The following NEB variants were observed in gnomAD, a reference collection of about 807,000 sequenced individuals.
The protein encoded by NEB is nemaline myopathy type 2.
In NEB, 512 loss-of-function variants were observed where a neutral mutation model predicts 952.2. The ratio of observed to expected loss-of-function variants is 0.54; its 90% CI spans 0.50 to 0.58. The LOEUF is 0.58. Ranked by LOEUF, NEB falls within the 20% of genes least tolerant of loss-of-function variation. The probability of loss-of-function intolerance (pLI) is 0.00; values close to 1 mark genes in which losing one functional copy is unlikely to be tolerated. For missense variants in NEB, 8,428 were observed against 9,231.1 expected, an observed-to-expected ratio of 0.91 and a Z score of 3.56; for synonymous variants, 2,900 against 3,149.8, an observed-to-expected ratio of 0.92 and a Z score of 2.66.
intron 40 of NEB, among the ~76,000 whole-genome samples, chr2:151,667,348 C>T (rs1488865874): frequency 4.6e-5 from 7 of 151,848 alleles, no homozygotes; most frequent in Admixed American, 1.3e-4. Context: ...GTTTTAAGTA[C>T]GTCACAGTTT....
Position 151,690,804 on chromosome 2 carries a change from C to G in NEB, c.2233G>C (p.Asp745His). Residue 745 changes from aspartate to histidine, a missense_variant, in exon 24 of 182, where the codon GAT becomes CAT. This residue lies in a region of NEB where 2,851 missense variants were observed against 2,791.5 expected (regional missense o/e 1.02). Transcript: ENST00000397345. ...GTGACTGCCGTGAATTTGGTCTTAT[C>G]TGGATGAACTTTGTAGGTATGCTAG... The part of the protein sequence containing the change: ...CKDHTYKVHP[D>H]KTKFTAVTDS... 1 of 1,590,934 alleles carries G rather than the reference C, an allele frequency of 6.3e-7. No homozygotes were observed. Among genetic ancestry groups the G allele is most frequent in the Non-Finnish European group, 8.6e-7 (1 of 1,167,638 alleles).
intron 153 of NEB, among the ~76,000 whole-genome samples, chr2:151,522,858 A>C (rs1037633999): frequency 7.9e-5 from 12 of 152,214 alleles, no homozygotes; most frequent in African/African-American, 2.9e-4. Flanking sequence ...GCAAGACAGC[A>C]AAGTCAGAAC....
chr2:151,498,458 G>A, intron 169 of NEB, 106 bp from the exon 170 acceptor site: 4 of 737,630 alleles, frequency 5.4e-6, no homozygotes, highest in South Asian at 4.2e-5. Context: ...GTAAGTTAGA[G>A]GAAGAGAAAT....
intron 9 of NEB, among the ~76,000 whole-genome samples, chr2:151,723,004 G>GT (rs1559628334): frequency 1.4e-4 from 21 of 152,126 alleles, no homozygotes. Flanking sequence ...ATTACAATAG[G>GT]TTTTTAAAAA....
intron 141 of NEB, among the ~76,000 whole-genome samples, chr2:151,536,168 A>G (rs1166488523): frequency 6.6e-6 from 1 of 152,158 alleles, no homozygotes; most frequent in East Asian, 1.9e-4. Flanking sequence ...TTGGCCTCCC[A>G]AGTGCTGGGA....
intron 3 of NEB, among the ~76,000 whole-genome samples, chr2:151,729,903 G>T (rs542886788): frequency 1.3e-5 from 2 of 152,284 alleles, no homozygotes; most frequent in African/African-American, 4.8e-5. Context: ...AATGTATGAG[G>T]CTGTTTTTTA....
intron 71 of NEB, among the ~76,000 whole-genome samples, chr2:151,623,622 T>A (rs57082978): frequency 0.24 from 36,832 of 151,844 alleles, 5,357 homozygotes; most frequent in Admixed American, 0.39. Flanking sequence ...TATTAAGATG[T>A]GTCAGTTTAT....
Position 151,575,730 on chromosome 2 carries a change from T to G in NEB, c.16978A>C (p.Asn5660His). ...TTAAGAGCATTTGCTCTAGCGAGAT[T>G]AATTTCTGGAGTATCTGGCATTATG... is the stretch of plus-strand genomic sequence containing the variant. ...IHIMPDTPEINLARANALNVS... is the reference protein window; with the variant it reads ...IHIMPDTPEIHLARANALNVS... The change falls in exon 107 of 182, where the codon AAT becomes CAT. Residue 5660 changes from asparagine to histidine, a missense_variant. Coordinates refer to ENST00000397345, the MANE Select transcript of NEB (RefSeq NM_001164508.2). 6.2e-7 allele frequency: 1 copy of G among 1,609,422 alleles called. No homozygotes were observed. Among genetic ancestry groups the G allele is most frequent in the Non-Finnish European group, 8.5e-7 (1 of 1,175,694 alleles).
rs1463948830 is a variant in NEB at position 151,688,240 on chromosome 2, T to C, written c.2415+52A>G. ...GTCTTGTCTTTTAAAATTTAAAACA[T>C]TTTCTCTTTTCATGTACACCAAACA... On this transcript the variant is annotated intron_variant, in intron 25 of 181. Transcript: ENST00000397345. 3 of 1,359,984 alleles carry C rather than the reference T, an allele frequency of 2.2e-6. No individual in the cohort carries two copies. The Admixed American group carries it at 5.8e-5, about 26-fold the overall frequency. The allele number at this position is 1,359,984 out of a possible 1,614,324, so 84.2% of individuals were successfully genotyped here. A position where few individuals can be genotyped will look rare whatever the true frequency, so the allele number is the denominator to read the frequency against.
intron 10 of NEB, among the ~76,000 whole-genome samples, chr2:151,713,049 C>A (rs1462371976): frequency 2.0e-5 from 3 of 152,106 alleles, no homozygotes; most frequent in Non-Finnish European, 4.4e-5. Context: ...CTCTGGGACA[C>A]CTTCTCTGGG....
At chr2:151,507,889 T>G in intron 162 of NEB, 116 bp downstream of exon 162, 1 of 697,386 alleles carries the variant, frequency 1.4e-6, no homozygotes, top group Non-Finnish European at 2.6e-6. Context: ...TGGGGCAGGA[T>G]GGGAGTTGTG....
Position 151,697,211 on chromosome 2 carries a change from G to A in NEB, c.1407C>T (p.Gly469=). Residue 469 remains glycine (G), a synonymous_variant, in exon 16 of 182, where the codon GGC becomes GGT. Transcript: ENST00000397345. ...CTTGAGTTATGGTCTGAGGGAAGAA[G>A]CCTTTGCCTCTGTCTTCTTCGTATT... is the stretch of plus-strand genomic sequence containing the variant. ...KAEYEEDRGK[G]FFPQTITQEY... The A allele has an allele frequency of 6.2e-7, 1 of 1,613,794 alleles. No homozygotes were observed. The highest frequency in any genetic ancestry group is 8.5e-7 in the Non-Finnish European group (1 of 1,179,856).
Position 151,592,036 on chromosome 2 carries a change from T to G in NEB, c.14824A>C (p.Asn4942His). ...QSKINALQIS[N>H]KRYQQAWEDV... Reference sequence around the variant, plus strand: ...GCAAATGATGTGCGCTGTCTTACATTGCTGATCTGCAGAGCATTGATTTTG... The same window carrying G: ...GCAAATGATGTGCGCTGTCTTACATGGCTGATCTGCAGAGCATTGATTTTG... Residue 4942 changes from asparagine (N) to histidine (H), a missense_variant and splice_region_variant, in exon 95 of 182, where the codon AAT becomes CAT. Transcript: ENST00000397345. The G allele has an allele frequency of 6.5e-7, 1 of 1,549,660 alleles. No homozygotes were observed. Among genetic ancestry groups the G allele is most frequent in the South Asian group, 1.2e-5 (1 of 83,974 alleles).
At chr2:151,664,208 G>T (rs1413223356) in intron 44 of NEB, among the ~76,000 whole-genome samples, 1 of 152,216 alleles carries the variant, frequency 6.6e-6, no homozygotes, top group Non-Finnish European at 1.5e-5. Context: ...GCCTGGCCAT[G>T]GGCCTCCTGG....
chr2:151,655,896 G>C lies in NEB; in HGVS notation c.6623C>G (p.Pro2208Arg). The C allele has an allele frequency of 1.2e-6, 2 of 1,613,730 alleles. No homozygotes were observed. Among genetic ancestry groups the C allele is most frequent in the Non-Finnish European group, 1.7e-6 (2 of 1,179,786 alleles). The change falls in exon 50 of 182, where the codon CCG (proline) becomes CGG (arginine). Residue 2208 changes from proline to arginine, a missense_variant. Pro to Arg is a moderately radical substitution (Grantham distance 103). Transcript: ENST00000397345. ...YASDQKYRQH[P>R]SNFQFKKLTD... ...CAGCTTCTTAAACTGGAAGTTGCTC[G>C]GGTGCTGGCGGTATTTCTGATCACT...
intron 173 of NEB, among the ~76,000 whole-genome samples, chr2:151,495,685 CAAAA>C (rs978460170): frequency 3.3e-5 from 5 of 151,808 alleles, no homozygotes; most frequent in East Asian, 1.9e-4. Flanking sequence ...CAACAACAAA[CAAAA>C]AACGAAAACT....
intron 34 of NEB, among the ~76,000 whole-genome samples, chr2:151,676,324 G>A (rs2154201648): frequency 6.6e-6 from 1 of 152,260 alleles, no homozygotes; most frequent in Non-Finnish European, 1.5e-5. Context: ...CTCTGCCATT[G>A]CTACTGCCTT....
At chr2:151,615,756 A>G (rs2098172939) in intron 76 of NEB, 1 of 363,548 alleles carries the variant, frequency 2.8e-6, no homozygotes, top group African/African-American at 2.1e-5. Flanking sequence ...ATATGAACCC[A>G]TTTTTGGTGT....
At chr2:151,638,404 G>A (rs1305636456) in intron 63 of NEB, among the ~76,000 whole-genome samples, 1 of 152,224 alleles carries the variant, frequency 6.6e-6, no homozygotes, top group Non-Finnish European at 1.5e-5. Context: ...CGCAGCTTGG[G>A]ATATTGGATT....
Sources: allele counts gnomAD v4.1 joint callset (sites outside exome capture counted in the v4.1 genomes callset), GRCh38; gene constraint gnomAD v4.1.1; regional missense constraint gnomAD v4.1.1; transcripts MANE v1.5; gene names NCBI Gene and HGNC (gene_info 2026-07-23, HGNC 2026-07-21).